PIAS4: variants seen among roughly 807,000 people sequenced by gnomAD.
PIAS4 encodes E3 SUMO-protein ligase PIAS4.
PIAS4 carries 7 observed loss-of-function variants against 58.0 expected under a neutral mutation model. That is an observed-to-expected ratio of 0.12 (90% CI 0.07 to 0.23). The LOEUF (loss-of-function observed/expected upper bound fraction) is 0.23. Among genes scored for constraint, PIAS4 ranks in the 10% least tolerant of loss-of-function variants. The probability of loss-of-function intolerance (pLI) is 1.00; values close to 1 mark genes in which losing one functional copy is unlikely to be tolerated. For missense variants in PIAS4, 550 were observed against 709.5 expected (o/e 0.78, Z 2.55); for synonymous variants, 364 against 312.4 (o/e 1.17, Z -1.74).
At chr19:4,021,742 CTTTTTTTTTT>C (rs776416490) in intron 2 of PIAS4, among the ~76,000 whole-genome samples, 4 of 104,086 alleles carry the variant, frequency 3.8e-5, no homozygotes, top group African/African-American at 7.3e-5. Context: ...TTTTCTTTTT[CTTTTTTTTTT>C]TTTTTTTTTT....
chr19:4,016,093 C>T (rs940300583), intron 2 of PIAS4, among the ~76,000 whole-genome samples: 2 of 152,250 alleles, frequency 1.3e-5, no homozygotes, highest in Non-Finnish European at 2.9e-5. Flanking sequence ...AGGCTCTGGC[C>T]TGGACCTCTG....
At chr19:4,016,588 G>A (rs1408251042) in intron 2 of PIAS4, among the ~76,000 whole-genome samples, 2 of 152,254 alleles carry the variant, frequency 1.3e-5, no homozygotes, top group Admixed American at 1.3e-4. Flanking sequence ...TTCAGGGGCA[G>A]CTGTCAGTAG....
At position 4,029,406 on chromosome 19, in the gene PIAS4, C is replaced by T. The variant is rs1005797468; in HGVS notation, c.907+370C>T. On this transcript the variant is annotated intron_variant, in intron 7 of 10. Transcript: ENST00000262971. ...AGCTGTGGTCTAAGCAGCCCCTTCTCGTTGCCTCAGCGGGGCCGAGGGTGC... is the reference window on the plus strand; with the variant it reads ...AGCTGTGGTCTAAGCAGCCCCTTCTTGTTGCCTCAGCGGGGCCGAGGGTGC... Among the ~76,000 whole-genome samples, 4 of 152,220 alleles carry T rather than the reference C, an allele frequency of 2.6e-5. No homozygotes were observed. In the East Asian group the frequency reaches 5.8e-4, roughly 22 times the overall value.
At chr19:4,020,190 A>G (rs528306934) in intron 2 of PIAS4, among the ~76,000 whole-genome samples, 10 of 152,320 alleles carry the variant, frequency 6.6e-5, no homozygotes, top group African/African-American at 2.4e-4. Context: ...TGCTGGGATT[A>G]CAGGCGTGAG....
At chr19:4,018,020 C>G (rs1222034802) in intron 2 of PIAS4, among the ~76,000 whole-genome samples, 1 of 152,212 alleles carries the variant, frequency 6.6e-6, no homozygotes, top group East Asian at 1.9e-4. Flanking sequence ...TCATGTTGAC[C>G]AGGCTTGTCT....
chr19:4,022,724 A>T (rs1469889175), intron 2 of PIAS4, among the ~76,000 whole-genome samples: 1 of 150,102 alleles, frequency 6.7e-6, no homozygotes, highest in African/African-American at 2.5e-5. Flanking sequence ...TCTGTCGCCC[A>T]GGCAGTGGTG....
rs760004144 is a variant in PIAS4 at position 4,037,791 on chromosome 19, AGAG to A, written c.1458_1460del (p.Glu487del). The A allele has an allele frequency of 9.1e-5, 146 of 1,597,590 alleles. No individual in the cohort carries two copies. In the African/African-American group the frequency reaches 1.5e-3, roughly 17 times the overall value. ...CCTCGGAGGATGAGGAGGAGGAGGA[AGAG>A]GAGGAGGAAGACGAGGACGAAGAGG... is the stretch of plus-strand genomic sequence containing the variant. On this transcript the variant is annotated inframe_deletion, in exon 11 of 11. Coordinates refer to ENST00000262971, the MANE Select transcript of PIAS4 (RefSeq NM_015897.4). The surrounding 1 kb of genome is among the most constrained non-coding windows in gnomAD (Gnocchi z 5.8).
At position 4,038,187 on chromosome 19, in the gene PIAS4, G is replaced by C; in HGVS notation, c.*312G>C. On this transcript the variant is annotated 3_prime_UTR_variant, in exon 11 of 11. Coordinates refer to ENST00000262971, the MANE Select transcript of PIAS4 (RefSeq NM_015897.4). The surrounding 1 kb of genome is among the most constrained non-coding windows in gnomAD (Gnocchi z 4.1). Reference sequence around the variant, plus strand: ...TCCGAGCCGGGAAGGGGTAGTGGGCGGGAGGGACCAGGACGCCGCCCCGCG... The same window carrying C: ...TCCGAGCCGGGAAGGGGTAGTGGGCCGGAGGGACCAGGACGCCGCCCCGCG... The C allele has an allele frequency of 2.9e-6, 1 of 342,400 alleles. No homozygotes were observed. Among genetic ancestry groups the C allele is most frequent in the East Asian group, 8.2e-5 (1 of 12,162 alleles). The allele number at this position is 342,400 out of a possible 1,614,324, so 21.2% of individuals were successfully genotyped here.
intron 7 of PIAS4, among the ~76,000 whole-genome samples, chr19:4,032,634 G>A (rs1168404030): frequency 1.3e-5 from 2 of 152,246 alleles, no homozygotes; most frequent in Admixed American, 6.5e-5. Context: ...CCTTGGGGCG[G>A]TGCTGGGGCT....
Position 4,037,939 on chromosome 19 carries a change from C to T in PIAS4, c.*64C>T. 2.7e-6 allele frequency: 4 copies of T among 1,483,826 alleles called. No individual in the cohort carries two copies. Among genetic ancestry groups the T allele is most frequent in the South Asian group, 1.3e-5 (1 of 79,470 alleles). 91.9% of individuals were successfully genotyped at this position (1,483,826 alleles called of 1,614,324 possible). A position where few individuals can be genotyped will look rare whatever the true frequency, so the allele number is the denominator to read the frequency against. ...CAGAGGGGCACGGGCCAGCCTCGGG[C>T]GCAGAGGGAGGAGTGACCTTTCTTT... On this transcript the variant is annotated 3_prime_UTR_variant, in exon 11 of 11. Coordinates refer to ENST00000262971, the MANE Select transcript of PIAS4 (RefSeq NM_015897.4). This position sits in a 1 kb window ranked among gnomAD's most constrained non-coding sequence, Gnocchi z 5.8.
rs945314381 is a variant in PIAS4 at position 4,007,811 on chromosome 19, G to T, written c.27+24G>T. The T allele has an allele frequency of 3.5e-5, 42 of 1,209,090 alleles. No homozygotes were observed. The African/African-American group carries it at 5.5e-4, about 16-fold the overall frequency. 74.9% of individuals were successfully genotyped at this position (1,209,090 alleles called of 1,614,324 possible). A position where few individuals can be genotyped will look rare whatever the true frequency, so the allele number is the denominator to read the frequency against. ...AAGTGAGTGAGCGGTGGCGGCGCCG[G>T]CCGGGGCAAGTGGGCGAGAGGGCGG... On this transcript the variant is annotated intron_variant, in intron 1 of 10. Coordinates refer to ENST00000262971, the MANE Select transcript of PIAS4 (RefSeq NM_015897.4).
intron 2 of PIAS4, among the ~76,000 whole-genome samples, chr19:4,016,649 C>T (rs2040055879): frequency 6.6e-6 from 1 of 152,160 alleles, no homozygotes; most frequent in South Asian, 2.1e-4. Context: ...AGGAAGGCCT[C>T]CTGGAGGCAG....
At chr19:4,034,633 G>C (rs2040257409) in intron 9 of PIAS4, among the ~76,000 whole-genome samples, 1 of 152,244 alleles carries the variant, frequency 6.6e-6, no homozygotes, top group Non-Finnish European at 1.5e-5. Flanking sequence ...TGGCTGCTCT[G>C]TTCCCAGCCT....
chr19:4,025,669 A>ACCTTGTCTTTCTCAG (rs1568216961), intron 3 of PIAS4, among the ~76,000 whole-genome samples: 2 of 22,312 alleles, frequency 9.0e-5, no homozygotes, highest in Admixed American at 5.7e-4. Context: ...CAAGGTGGCG[A>ACCTTGTCTTTCTCAG]CCTCGTCTTT....
intron 3 of PIAS4, among the ~76,000 whole-genome samples, chr19:4,025,237 A>G (rs1159417511): frequency 6.6e-6 from 1 of 152,010 alleles, no homozygotes; most frequent in Non-Finnish European, 1.5e-5. Flanking sequence ...TCTGACAACC[A>G]CAGATGTCCC....
intron 3 of PIAS4, 39 bp downstream of exon 3, chr19:4,024,159 GCCCA>G: frequency 8.1e-7 from 1 of 1,238,052 alleles, no homozygotes; most frequent in Non-Finnish European, 1.1e-6. Flanking sequence ...CCCACCGCCC[GCCCA>G]CCCACTTTCT....
chr19:4,016,114 A>T (rs544440224), intron 2 of PIAS4, among the ~76,000 whole-genome samples: 1 of 152,238 alleles, frequency 6.6e-6, no homozygotes, highest in South Asian at 2.1e-4. Flanking sequence ...CAGGCTGGGA[A>T]CCCTGTCCTG....
chr19:4,033,273 G>C, intron 8 of PIAS4, 100 bp downstream of exon 8: 2 of 1,376,094 alleles, frequency 1.5e-6, no homozygotes, highest in Middle Eastern at 3.7e-4. Flanking sequence ...CCGTGAGCCT[G>C]CGGGGGCGAG....
At chr19:4,010,585 T>C (rs1312271122) in intron 1 of PIAS4, among the ~76,000 whole-genome samples, 9 of 152,196 alleles carry the variant, frequency 5.9e-5, no homozygotes. Context: ...CAGGTCCCCA[T>C]AGCCAGTGTG....
Sources: allele counts gnomAD v4.1 joint callset (sites outside exome capture counted in the v4.1 genomes callset), GRCh38; gene constraint gnomAD v4.1.1; non-coding constraint Gnocchi (gnomAD v3.1); transcripts MANE v1.5; gene names NCBI Gene and HGNC (gene_info 2026-07-23, HGNC 2026-07-21).